ZSCAN5B: variants seen among roughly 807,000 people sequenced by gnomAD.
ZSCAN5B encodes zinc finger and SCAN domain containing 5B.
A neutral mutation model predicts 25.2 loss-of-function variants in ZSCAN5B; 26 were observed. The observed-to-expected ratio is 1.03, with a 90% CI of 0.76 to 1.43. The LOEUF is 1.43. ZSCAN5B is among the 40% of genes most tolerant of loss of function. The probability of loss-of-function intolerance (pLI) is 0.00; values close to 1 mark genes in which losing one functional copy is unlikely to be tolerated. For missense variants in ZSCAN5B, 745 were observed against 622.1 expected (o/e 1.20, Z -2.10); for synonymous variants, 244 against 240.9 (o/e 1.01, Z -0.12).
chr19:56,195,796 T>C (rs1036782819), intron 1 of ZSCAN5B, among the ~76,000 whole-genome samples: 3 of 152,176 alleles, frequency 2.0e-5, no homozygotes, highest in African/African-American at 7.2e-5. Flanking sequence ...TACACTCACG[T>C]AACAAATCTG....
At chr19:56,189,750 T>C (rs1167171078) in exon 5 of ZSCAN5B, 16 of 1,507,116 alleles carry the variant, frequency 1.1e-5, no homozygotes, top group Non-Finnish European at 1.3e-5. Flanking sequence ...TTTATGTGTA[T>C]ATGTCATCTG....
chr19:56,192,998 C>T, exon 2 of ZSCAN5B: 2 of 1,603,498 alleles, frequency 1.2e-6, no homozygotes, highest in Non-Finnish European at 1.7e-6. Flanking sequence ...GTGTCTGACC[C>T]AGGGCTGTTG....
exon 5 of ZSCAN5B, chr19:56,190,421 T>G: frequency 6.2e-7 from 1 of 1,614,080 alleles, no homozygotes; most frequent in Non-Finnish European, 8.5e-7. Context: ...CTGGTTTGCT[T>G]CTTTTGGGAC....
In ZSCAN5B at chr19:56,191,853, C is replaced by T. The variant is rs376079303; in HGVS notation, c.585G>A (p.Arg195=). The T allele has an allele frequency of 3.0e-5, 49 of 1,613,758 alleles. No homozygotes were observed. The South Asian group carries it at 3.6e-4, about 12-fold the overall frequency. Residue 195 remains arginine, a synonymous_variant, in exon 3 of 5, where the codon AGG becomes AGA. Transcript: ENST00000586855. ...CACCAAGGCCTCACACACTCACCTG[C>T]CTCCTGGACAGTGCAGCGACCCTGG...
chr19:56,190,220 C>T (rs2032708835), exon 5 of ZSCAN5B: 3 of 1,614,104 alleles, frequency 1.9e-6, no homozygotes, highest in Non-Finnish European at 2.5e-6. Flanking sequence ...GGGAAAAATA[C>T]TTAAATGATT....
chr19:56,194,537 C>A (rs10164279), intron 1 of ZSCAN5B, among the ~76,000 whole-genome samples: 6 of 152,004 alleles, frequency 3.9e-5, no homozygotes, highest in Non-Finnish European at 7.4e-5. Context: ...TCAAGCGATG[C>A]GCTTGCTTTG....
chr19:56,197,816 G>A (rs1383907858), exon 1 of ZSCAN5B: 26 of 985,232 alleles, frequency 2.6e-5, no homozygotes, highest in Non-Finnish European at 3.0e-5. Flanking sequence ...GTCTATTTAT[G>A]GAGAAGCGGG....
At chr19:56,193,806 C>CA (rs1294560863) in intron 1 of ZSCAN5B, among the ~76,000 whole-genome samples, 2 of 151,928 alleles carry the variant, frequency 1.3e-5, no homozygotes, top group Admixed American at 6.6e-5. Flanking sequence ...ACTAAAAATA[C>CA]AAAAAATTAG....
At chr19:56,191,111 C>G (rs910451207) in intron 3 of ZSCAN5B, 124 bp from the exon 4 acceptor site, 13 of 1,291,098 alleles carry the variant, frequency 1.0e-5, no homozygotes, top group South Asian at 2.6e-5. Flanking sequence ...CCCAAGTAAA[C>G]ATCACCACCT....
At chr19:56,192,467 G>T (rs553611) in intron 2 of ZSCAN5B, among the ~76,000 whole-genome samples, 41,755 of 152,002 alleles carry the variant, frequency 0.27, 6,017 homozygotes, top group Non-Finnish European at 0.32. Flanking sequence ...CCTTCCCTAC[G>T]TTCCATCAGG....
chr19:56,194,449 C>G (rs1365451307), intron 1 of ZSCAN5B, among the ~76,000 whole-genome samples: 1 of 151,978 alleles, frequency 6.6e-6, no homozygotes, highest in Non-Finnish European at 1.5e-5. Flanking sequence ...TCACCACGCC[C>G]GGCTAATTTT....
At chr19:56,190,058 C>T (rs766938726) in exon 5 of ZSCAN5B, 2 of 1,613,962 alleles carry the variant, frequency 1.2e-6, no homozygotes, top group South Asian at 2.2e-5. Context: ...CGTGGGCGAA[C>T]CGCTTTTGGC....
exon 2 of ZSCAN5B, chr19:56,193,165 A>G: frequency 7.8e-7 from 1 of 1,274,670 alleles, no homozygotes; most frequent in Non-Finnish European, 1.0e-6. Flanking sequence ...ATATATTCAC[A>G]GTTTGTTCAG....
chr19:56,196,611 C>T (rs1442664953), intron 1 of ZSCAN5B, among the ~76,000 whole-genome samples: 2 of 152,056 alleles, frequency 1.3e-5, no homozygotes, highest in Non-Finnish European at 2.9e-5. Context: ...TTATATTTCT[C>T]AATTTGAAAG....
rs2032724837 is a variant in ZSCAN5B, at chr19:56,190,990, G to A, written c.589-3C>T. The A allele has an allele frequency of 1.9e-6, 3 of 1,613,762 alleles. No homozygotes were observed. The African/African-American group carries it at 4.0e-5, about 22-fold the overall frequency. On this transcript the variant is annotated splice_region_variant and splice_polypyrimidine_tract_variant and intron_variant, in intron 3 of 4. Coordinates refer to ENST00000586855, the Ensembl canonical transcript of ZSCAN5B. ...TTGTGTAGCAGAAAGTCCTCTCCCT[G>A]AAGAGGAAAAACCAAGAGCAATGAC...
chr19:56,189,727 T>G, exon 5 of ZSCAN5B: 1 of 1,405,698 alleles, frequency 7.1e-7, no homozygotes, highest in South Asian at 1.5e-5. Flanking sequence ...TCCGGGCAAT[T>G]CCTACCAAGT....
chr19:56,194,281 A>T (rs910154092), intron 1 of ZSCAN5B, among the ~76,000 whole-genome samples: 9 of 152,070 alleles, frequency 5.9e-5, no homozygotes, highest in African/African-American at 1.9e-4. Context: ...TAGTGGGATC[A>T]TACCATAGAG....
intron 4 of ZSCAN5B, 44 bp downstream of exon 4, chr19:56,190,793 G>A (rs760693400): frequency 6.3e-7 from 1 of 1,596,138 alleles, no homozygotes. Context: ...CCGCACCCCA[G>A]AAGAGAGGGA....
At chr19:56,196,075 C>T (rs1362483419) in intron 1 of ZSCAN5B, among the ~76,000 whole-genome samples, 1 of 152,058 alleles carries the variant, frequency 6.6e-6, no homozygotes, top group African/African-American at 2.4e-5. Context: ...TTTTTTGAGA[C>T]AGAATCTCAC....
Sources: allele counts gnomAD v4.1 joint callset (sites outside exome capture counted in the v4.1 genomes callset), GRCh38; gene constraint gnomAD v4.1.1; transcripts MANE v1.5; gene names NCBI Gene and HGNC (gene_info 2026-07-23, HGNC 2026-07-21).